The following SNTG1 variants were observed in gnomAD, a reference collection of about 807,000 sequenced individuals.
SNTG1 encodes gamma-1-syntrophin.
A neutral mutation model predicts 74.7 loss-of-function variants in SNTG1; 39 were observed. The observed-to-expected ratio is 0.52, with a 90% CI of 0.40 to 0.68. The LOEUF is 0.68. Among genes scored for constraint, SNTG1 ranks in the 30% least tolerant of loss-of-function variants. The pLI is 0.00. For synonymous variants in SNTG1, 254 were observed against 217.1 expected, an observed-to-expected ratio of 1.17 and a Z score of -1.49; for missense variants, 685 against 609.5, an observed-to-expected ratio of 1.12 and a Z score of -1.30.
At chr8:50,118,435 A>T (rs142920286) in intron 1 of SNTG1, among the ~76,000 whole-genome samples, 4 of 152,238 alleles carry the variant, frequency 2.6e-5, no homozygotes, top group Non-Finnish European at 5.9e-5. Flanking sequence ...CACATTTTAC[A>T]TATGTAGATT....
intron 2 of SNTG1, among the ~76,000 whole-genome samples, chr8:50,227,099 A>G (rs1377207469): frequency 1.3e-5 from 2 of 152,130 alleles, no homozygotes; most frequent in Admixed American, 6.6e-5. Context: ...ACTTACCAAT[A>G]ACCGAAGCTG....
At chr8:50,287,595 C>T (rs565182102) in intron 2 of SNTG1, among the ~76,000 whole-genome samples, 4 of 152,146 alleles carry the variant, frequency 2.6e-5, no homozygotes, top group Non-Finnish European at 5.9e-5. Context: ...GTTCTGTGGT[C>T]GGTTATCTCC....
intron 4 of SNTG1, among the ~76,000 whole-genome samples, chr8:50,435,431 G>T (rs2093291273): frequency 6.6e-6 from 1 of 152,132 alleles, no homozygotes; most frequent in Non-Finnish European, 1.5e-5. Flanking sequence ...GATATTGTCT[G>T]ATTTATGAGC....
intron 15 of SNTG1, among the ~76,000 whole-genome samples, chr8:50,696,989 G>T (rs2095407513): frequency 6.6e-6 from 1 of 151,898 alleles, no homozygotes; most frequent in African/African-American, 2.4e-5. Flanking sequence ...ATATGACATT[G>T]GTACTTTGAT....
At chr8:50,478,721 G>A (rs754865035) in intron 8 of SNTG1, among the ~76,000 whole-genome samples, 2 of 152,050 alleles carry the variant, frequency 1.3e-5, no homozygotes, top group African/African-American at 2.4e-5. Flanking sequence ...TTTAAATGTT[G>A]GGTATGTTCT....
At chr8:50,224,076 C>T (rs929677228) in intron 2 of SNTG1, among the ~76,000 whole-genome samples, 91 of 151,758 alleles carry the variant, frequency 6.0e-4, no homozygotes, top group Middle Eastern at 6.8e-3. Context: ...ATTTAAAATG[C>T]CTAAATATTA....
chr8:50,713,209 T>A (rs960271034), intron 17 of SNTG1, among the ~76,000 whole-genome samples: 1 of 152,200 alleles, frequency 6.6e-6, no homozygotes, highest in African/African-American at 2.4e-5. Context: ...TGGTGTGACA[T>A]GGTATCACGT....
At chr8:50,369,283 T>C (rs1299256600) in intron 2 of SNTG1, among the ~76,000 whole-genome samples, 1 of 152,130 alleles carries the variant, frequency 6.6e-6, no homozygotes, top group Non-Finnish European at 1.5e-5. Context: ...CTTCATTTCA[T>C]AATATTGGTG....
intron 2 of SNTG1, among the ~76,000 whole-genome samples, chr8:50,245,764 G>A (rs2086371624): frequency 6.6e-6 from 1 of 151,952 alleles, no homozygotes; most frequent in Non-Finnish European, 1.5e-5. Flanking sequence ...TGTGACCTGG[G>A]GCTTGTCAGC....
intron 15 of SNTG1, among the ~76,000 whole-genome samples, chr8:50,660,054 G>A (rs1346663645): frequency 6.6e-6 from 1 of 152,022 alleles, no homozygotes; most frequent in African/African-American, 2.4e-5. Context: ...TGCCCAAGCT[G>A]GTCTTGAACT....
chr8:49,922,258 T>A (rs1436249710), intron 1 of SNTG1, among the ~76,000 whole-genome samples: 1 of 152,128 alleles, frequency 6.6e-6, no homozygotes, highest in East Asian at 1.9e-4. Flanking sequence ...ATCACTCAGA[T>A]TCTCCAGATA....
chr8:50,059,447 T>C (rs1363651787), intron 1 of SNTG1, among the ~76,000 whole-genome samples: 1 of 152,070 alleles, frequency 6.6e-6, no homozygotes, highest in East Asian at 1.9e-4. Flanking sequence ...AATATTAGAA[T>C]ATTTTCATTA....
At chr8:50,145,685 G>A (rs968713748) in intron 1 of SNTG1, among the ~76,000 whole-genome samples, 1 of 152,144 alleles carries the variant, frequency 6.6e-6, no homozygotes, top group Non-Finnish European at 1.5e-5. Context: ...TTTCTCACCC[G>A]ACAAAGTTTA....
At chr8:50,013,471 A>G (rs550983911) in intron 1 of SNTG1, among the ~76,000 whole-genome samples, 1 of 143,386 alleles carries the variant, frequency 7.0e-6, no homozygotes, top group Non-Finnish European at 1.5e-5. Context: ...AGAGAGATAG[A>G]TAGATAGATA....
chr8:50,708,863 ACAATACTTT>A lies in SNTG1; in HGVS notation c.1192-21_1192-13del. On this transcript the variant is annotated splice_polypyrimidine_tract_variant and intron_variant, in intron 16 of 18. Coordinates refer to ENST00000642720, the MANE Select transcript of SNTG1 (RefSeq NM_018967.5). ...TATTGCATCAATAACATGAAAAGTA[ACAATACTTT>A]CTGTTCTACCTAGTGCAAGACCTAT... 6.6e-7 allele frequency: 1 copy of A among 1,523,686 alleles called. No homozygotes were observed. The highest frequency in any genetic ancestry group is 9.1e-7 in the Non-Finnish European group (1 of 1,098,892). 94.4% of individuals were successfully genotyped at this position (1,523,686 alleles called of 1,614,324 possible).
At chr8:50,615,150 C>T (rs1011238260) in intron 13 of SNTG1, among the ~76,000 whole-genome samples, 7 of 151,764 alleles carry the variant, frequency 4.6e-5, no homozygotes, top group Non-Finnish European at 8.8e-5. Context: ...TTAGTAGAGA[C>T]GGGGTTTCAC....
intron 8 of SNTG1, among the ~76,000 whole-genome samples, chr8:50,468,274 T>A (rs1299492203): frequency 6.6e-6 from 1 of 152,044 alleles, no homozygotes; most frequent in South Asian, 2.1e-4. Flanking sequence ...TTCAGTTCTA[T>A]CAGTGTTTTT....
At chr8:50,048,526 A>T (rs919894200) in intron 1 of SNTG1, among the ~76,000 whole-genome samples, 1 of 152,164 alleles carries the variant, frequency 6.6e-6, no homozygotes, top group Non-Finnish European at 1.5e-5. Flanking sequence ...ATTAACTTAA[A>T]TACTTTGATT....
At chr8:50,001,541 C>A (rs1239555889) in intron 1 of SNTG1, among the ~76,000 whole-genome samples, 1 of 152,180 alleles carries the variant, frequency 6.6e-6, no homozygotes, top group Non-Finnish European at 1.5e-5. Context: ...GTCTTACATA[C>A]CTCTGGCTCA....
Sources: gnomAD v4.1 joint callset for allele counts (sites outside exome capture counted in the v4.1 genomes callset) on GRCh38, gnomAD v4.1.1 for gene constraint, MANE v1.5 for transcripts, NCBI Gene and HGNC (gene_info 2026-07-23, HGNC 2026-07-21) for gene names.